The following ST3GAL4 variants were observed in gnomAD, a reference collection of about 807,000 sequenced individuals.
ST3GAL4 encodes CMP-N-acetylneuraminate-beta-galactosamide-alpha-2,3-sialyltransferase 4.
A neutral mutation model predicts 42.6 loss-of-function variants in ST3GAL4; 24 were observed. The observed-to-expected ratio is 0.56, with a 90% CI of 0.41 to 0.79. The LOEUF (loss-of-function observed/expected upper bound fraction) is 0.79, where lower values mean the gene tolerates loss of function less well. ST3GAL4 is among the 30% of genes least tolerant of loss of function. The probability of loss-of-function intolerance (pLI) is 0.00; values close to 1 mark genes in which losing one functional copy is unlikely to be tolerated. For synonymous variants in ST3GAL4, 135 were observed against 163.2 expected (o/e 0.83, Z 1.32); for missense variants, 311 against 430.8 (o/e 0.72, Z 2.46).
At position 126,366,977 on chromosome 11, in the gene ST3GAL4, G is replaced by A. The variant is rs1274830339; in HGVS notation, c.-61+11135G>A. Among the ~76,000 whole-genome samples, 1 of 152,126 alleles carries A rather than the reference G, an allele frequency of 6.6e-6. No homozygotes were observed. Among genetic ancestry groups the A allele is most frequent in the Non-Finnish European group, 1.5e-5 (1 of 68,022 alleles). ...CTGCTTGGGGATTTTGGGGTACTGG[G>A]TTTGGATAGAGTGTGTCATCTGCAG... is the stretch of plus-strand genomic sequence containing the variant. On this transcript the variant is annotated intron_variant, in intron 1 of 10. Transcript: ENST00000444328. The surrounding 1 kb of genome is among the most constrained non-coding windows in gnomAD (Gnocchi z 4.2).
chr11:126,403,155 G>A (rs542009991), intron 1 of ST3GAL4: 2 of 157,510 alleles, frequency 1.3e-5, no homozygotes, highest in African/African-American at 4.8e-5. Context: ...AGCCCCACAA[G>A]GGGAGGGCGT....
chr11:126,403,858 C>T (rs1467314803), intron 1 of ST3GAL4, among the ~76,000 whole-genome samples: 3 of 152,188 alleles, frequency 2.0e-5, no homozygotes, highest in Non-Finnish European at 4.4e-5. Flanking sequence ...CCCCATCTGG[C>T]ACCCTCTGAG....
chr11:126,377,135 T>A (rs1219936508), intron 1 of ST3GAL4, among the ~76,000 whole-genome samples: 1 of 152,212 alleles, frequency 6.6e-6, no homozygotes, highest in African/African-American at 2.4e-5. Flanking sequence ...TAAGGTATTT[T>A]AAGTTTTCGG....
rs945501139 is a variant in ST3GAL4 at position 126,366,913 on chromosome 11, T to C, written c.-61+11071T>C. 1.3e-5 allele frequency among the ~76,000 whole-genome samples: 2 copies of C among 152,032 alleles called. No homozygotes were observed. The highest frequency in any genetic ancestry group is 1.9e-4 in the East Asian group (1 of 5,180). On this transcript the variant is annotated intron_variant, in intron 1 of 10. Coordinates refer to ENST00000444328, the MANE Select transcript of ST3GAL4 (RefSeq NM_001254757.2). The surrounding 1 kb of genome is among the most constrained non-coding windows in gnomAD (Gnocchi z 4.2). Reference sequence around the variant, plus strand: ...CTGTACTGTGGGGCAGGGCTGGAATTTGTGGCACCTGCAGGGCTGAACGTT... The same window carrying C: ...CTGTACTGTGGGGCAGGGCTGGAATCTGTGGCACCTGCAGGGCTGAACGTT...
In ST3GAL4 at chr11:126,414,298, A is replaced by C; in HGVS notation, c.*251A>C. The C allele has an allele frequency of 1.8e-6, 1 of 550,350 alleles. No homozygotes were observed. Among genetic ancestry groups the C allele is most frequent in the Non-Finnish European group, 3.3e-6 (1 of 305,752 alleles). The allele number at this position is 550,350 out of a possible 1,614,324, so 34.1% of individuals were successfully genotyped here. A position where few individuals can be genotyped will look rare whatever the true frequency, so the allele number is the denominator to read the frequency against. On this transcript the variant is annotated 3_prime_UTR_variant, in exon 11 of 11. Coordinates refer to ENST00000444328, the MANE Select transcript of ST3GAL4 (RefSeq NM_001254757.2). ...AGGGCAGGGGGCTCGTTGCTGTGGC[A>C]CCCCCTCTCTGCCAGCACCAAGAGA...
chr11:126,413,441 C>A (rs999641400), intron 9 of ST3GAL4, 64 bp from the exon 10 acceptor site: 1 of 1,590,988 alleles, frequency 6.3e-7, no homozygotes. Flanking sequence ...CTGCAGAGCG[C>A]TGGCAGAGAT....
rs559079507 is a variant in ST3GAL4, at chr11:126,400,894, A to G, written c.-60-5202A>G. Among the ~76,000 whole-genome samples the G allele has an allele frequency of 6.6e-6, 1 of 152,228 alleles. No homozygotes were observed. Among genetic ancestry groups the G allele is most frequent in the South Asian group, 2.1e-4 (1 of 4,824 alleles). On this transcript the variant is annotated intron_variant, in intron 1 of 10. Transcript: ENST00000444328. This position sits in a 1 kb window ranked among gnomAD's most constrained non-coding sequence, Gnocchi z 4.6. ...AAATCCGACATCCCCAGTTTCACCT[A>G]TGATGCCAGGCCTGTGGTAAGGAGC...
rs565410017 is a variant in ST3GAL4 at position 126,359,297 on chromosome 11, T to TA, written c.-61+3469dup. On this transcript the variant is annotated intron_variant, in intron 1 of 10. Transcript: ENST00000444328. The surrounding 1 kb of genome is among the most constrained non-coding windows in gnomAD (Gnocchi z 4.8). ...TATTAAAAGCCTGGCCCAATAAACTTAAAAAAAAAAAAAAGATGTGCTAGA... is the reference window on the plus strand; with the variant it reads ...TATTAAAAGCCTGGCCCAATAAACTTAAAAAAAAAAAAAAAGATGTGCTAGA... Among the ~76,000 whole-genome samples, 889 of 141,212 alleles carry TA rather than the reference T, an allele frequency of 6.3e-3. 4 individuals are homozygous for TA. The highest frequency in any genetic ancestry group is 0.016 in the African/African-American group (606 of 38,450). The allele number at this position is 141,212 out of a possible 152,430, so 92.6% of individuals were successfully genotyped here.
At position 126,378,157 on chromosome 11, in the gene ST3GAL4, A is replaced by G. The variant is rs768956420; in HGVS notation, c.-61+22315A>G. ...AAGATAGCCCACACCACAGATCCAG[A>G]CTGGCTAGGTAGAACACCTTTACAT... On this transcript the variant is annotated intron_variant, in intron 1 of 10. Transcript: ENST00000444328. The surrounding 1 kb of genome is among the most constrained non-coding windows in gnomAD (Gnocchi z 5.3). Among the ~76,000 whole-genome samples, 6 of 152,302 alleles carry G rather than the reference A, an allele frequency of 3.9e-5. No homozygotes were observed. Among genetic ancestry groups the G allele is most frequent in the Non-Finnish European group, 8.8e-5 (6 of 68,024 alleles).
chr11:126,391,479 G>A lies in ST3GAL4; in HGVS notation c.-60-14617G>A, dbSNP rs1318384493. On this transcript the variant is annotated intron_variant, in intron 1 of 10. Transcript: ENST00000444328. This position sits in a 1 kb window ranked among gnomAD's most constrained non-coding sequence, Gnocchi z 5.5. ...GGCTTGGGTGCTGACTTTAGGAGGT[G>A]CGGCTCTTGGAAAGACAGAGTGTGA... Among the ~76,000 whole-genome samples the A allele has an allele frequency of 6.6e-6, 1 of 152,148 alleles. No individual in the cohort carries two copies.
At chr11:126,407,701 C>G in intron 6 of ST3GAL4, 67 bp downstream of exon 6, 2 of 1,455,840 alleles carry the variant, frequency 1.4e-6, no homozygotes, top group East Asian at 2.4e-5. Flanking sequence ...CCGCTCCCCC[C>G]ACTCCCCACC....
rs1954459061 is a variant in ST3GAL4, at chr11:126,410,193, C to T, written c.771+782C>T. Among the ~76,000 whole-genome samples the T allele has an allele frequency of 1.3e-5, 2 of 152,234 alleles. No homozygotes were observed. ...AAATGCCGGGATTACAGGTGTAAGG[C>T]ACTGTGTCTGACCACAAGTTATGTG... On this transcript the variant is annotated intron_variant, in intron 9 of 10. Coordinates refer to ENST00000444328, the MANE Select transcript of ST3GAL4 (RefSeq NM_001254757.2). This position sits in a 1 kb window ranked among gnomAD's most constrained non-coding sequence, Gnocchi z 5.3.
At position 126,403,085 on chromosome 11, in the gene ST3GAL4, G is replaced by C. The variant is rs375483818; in HGVS notation, c.-60-3011G>C. The C allele has an allele frequency of 2.0e-4, 30 of 152,464 alleles. 1 individual carries two copies. Among genetic ancestry groups the C allele is most frequent in the African/African-American group, 7.2e-4 (30 of 41,574 alleles). 9.4% of individuals were successfully genotyped at this position (152,464 alleles called of 1,614,324 possible). A position where few individuals can be genotyped will look rare whatever the true frequency, so the allele number is the denominator to read the frequency against. ...GGGGAAAGGCGCCATGTTGTCTTGA[G>C]GTAGCAGCCAGCCCCGGAAGCCCTG... On this transcript the variant is annotated intron_variant, in intron 1 of 10. Coordinates refer to ENST00000444328, the MANE Select transcript of ST3GAL4 (RefSeq NM_001254757.2).
chr11:126,363,901 C>A lies in ST3GAL4; in HGVS notation c.-61+8059C>A, dbSNP rs1952338240. Among the ~76,000 whole-genome samples, 1 of 152,246 alleles carries A rather than the reference C, an allele frequency of 6.6e-6. No homozygotes were observed. Among genetic ancestry groups the A allele is most frequent in the Non-Finnish European group, 1.5e-5 (1 of 68,048 alleles). ...CCAGGCCCGGCACCGTGTCGCCCTGCCCCAGCCCAGAGCTTGCCTCTGTTG... is the reference window on the plus strand; with the variant it reads ...CCAGGCCCGGCACCGTGTCGCCCTGACCCAGCCCAGAGCTTGCCTCTGTTG... On this transcript the variant is annotated intron_variant, in intron 1 of 10. Transcript: ENST00000444328. This position sits in a 1 kb window ranked among gnomAD's most constrained non-coding sequence, Gnocchi z 4.6.
chr11:126,400,211 G>A lies in ST3GAL4; in HGVS notation c.-60-5885G>A, dbSNP rs1283009210. Among the ~76,000 whole-genome samples the A allele has an allele frequency of 6.6e-6, 1 of 152,204 alleles. No individual in the cohort carries two copies. Among genetic ancestry groups the A allele is most frequent in the Admixed American group, 6.5e-5 (1 of 15,278 alleles). ...GGAGGCTGGGAAGTCCAAGATCAAG[G>A]GGCTGCTCTGGCAAGGGCCTTCTTG... On this transcript the variant is annotated intron_variant, in intron 1 of 10. Coordinates refer to ENST00000444328, the MANE Select transcript of ST3GAL4 (RefSeq NM_001254757.2). This position sits in a 1 kb window ranked among gnomAD's most constrained non-coding sequence, Gnocchi z 4.6.
chr11:126,355,770 C>G lies in ST3GAL4; in HGVS notation c.-133C>G, dbSNP rs1041339873. 1 of 151,672 alleles carries G rather than the reference C, an allele frequency of 6.6e-6. No individual in the cohort carries two copies. Among genetic ancestry groups the G allele is most frequent in the Admixed American group, 6.6e-5 (1 of 15,244 alleles). 9.4% of individuals were successfully genotyped at this position (151,672 alleles called of 1,614,324 possible). ...TCGAGCCGTCGCGCCAGCGCTGCGC[C>G]GCCGGTCGGTGCGCCTAGCGGATCG... On this transcript the variant is annotated 5_prime_UTR_variant, in exon 1 of 11. Transcript: ENST00000444328. This position sits in a 1 kb window ranked among gnomAD's most constrained non-coding sequence, Gnocchi z 7.1.
chr11:126,403,266 A>G lies in ST3GAL4; in HGVS notation c.-60-2830A>G, dbSNP rs191528650. 7.0e-3 allele frequency: 3,699 copies of G among 530,728 alleles called. 21 individuals are homozygous for G. The highest frequency in any genetic ancestry group is 8.1e-3 in the Non-Finnish European group (3,373 of 414,602). The allele number at this position is 530,728 out of a possible 1,614,324, so 32.9% of individuals were successfully genotyped here. ...GCTGTTTTGGAATGAAGACAAGACA[A>G]TGTAGAACTTTACTGGGGAAGAGGT... On this transcript the variant is annotated intron_variant, in intron 1 of 10. Coordinates refer to ENST00000444328, the MANE Select transcript of ST3GAL4 (RefSeq NM_001254757.2).
rs747978924 is a variant in ST3GAL4 at position 126,406,606 on chromosome 11, C to T, written c.101+49C>T. The stretch of plus-strand genomic sequence containing the variant: ...CCAGTGGCTCTTGTCAGGGACAGGG[C>T]TTAGGGATGGAGCATCATGGAGCGG... On this transcript the variant is annotated intron_variant, in intron 3 of 10. Coordinates refer to ENST00000444328, the MANE Select transcript of ST3GAL4 (RefSeq NM_001254757.2). The surrounding 1 kb of genome is among the most constrained non-coding windows in gnomAD (Gnocchi z 5.4). 4 of 1,611,962 alleles carry T rather than the reference C, an allele frequency of 2.5e-6. No homozygotes were observed. The highest frequency in any genetic ancestry group is 2.5e-6 in the Non-Finnish European group (3 of 1,178,862).
chr11:126,380,603 T>A (rs1419155985), intron 1 of ST3GAL4, among the ~76,000 whole-genome samples: 9 of 152,378 alleles, frequency 5.9e-5, no homozygotes, highest in Admixed American at 5.9e-4. Flanking sequence ...ATACCATTTC[T>A]GCATTCAGCC....
Sources: gnomAD v4.1 joint callset for allele counts (sites outside exome capture counted in the v4.1 genomes callset) on GRCh38, gnomAD v4.1.1 for gene constraint, Gnocchi (gnomAD v3.1) non-coding constraint, MANE v1.5 for transcripts, NCBI Gene and HGNC (gene_info 2026-07-23, HGNC 2026-07-21) for gene names.